The following ANKRD26 variants were observed in gnomAD, a reference collection of about 807,000 sequenced individuals.
ANKRD26 encodes the protein ankyrin repeat domain 26.
A neutral mutation model predicts 208.7 loss-of-function variants in ANKRD26; 141 were observed. That is an observed-to-expected ratio of 0.68 (90% CI 0.59 to 0.78). The LOEUF (loss-of-function observed/expected upper bound fraction) is 0.78. ANKRD26 is among the 30% of genes least tolerant of loss of function. ANKRD26 has a pLI of 0.00. For synonymous variants in ANKRD26, 636 were observed against 660.4 expected (o/e 0.96, Z 0.57); for missense variants, 1,889 against 1,938.7 (o/e 0.97, Z 0.48).
rs779237699 is a variant in ANKRD26, at chr10:27,014,467, T to G, written c.4724+27A>C. 3 of 1,476,422 alleles carry G rather than the reference T, an allele frequency of 2.0e-6. No homozygotes were observed. In the South Asian group the frequency reaches 3.6e-5, roughly 18 times the overall value. The allele number at this position is 1,476,422 out of a possible 1,614,324, so 91.5% of individuals were successfully genotyped here. ...AGGCAAATTAATGAGCTTAATTTAT[T>G]TCCTATGATTCTATATTTTGACTTA... On this transcript the variant is annotated intron_variant, in intron 31 of 33. Coordinates refer to ENST00000376087, the MANE Select transcript of ANKRD26 (RefSeq NM_014915.3).
chr10:26,965,697 C>A, the ANKRD26 span, among the ~76,000 whole-genome samples: 2 of 152,134 alleles, frequency 1.3e-5, no homozygotes, highest in Non-Finnish European at 2.9e-5. Flanking sequence ...AACAGGCAAC[C>A]TACAGAATGG....
At chr10:27,031,171 G>A (rs1173826917) in intron 25 of ANKRD26, among the ~76,000 whole-genome samples, 1 of 152,196 alleles carries the variant, frequency 6.6e-6, no homozygotes, top group Non-Finnish European at 1.5e-5. Flanking sequence ...CAGAGAGATG[G>A]TGAAAGCAGC....
chr10:27,036,738 C>T (rs1390987679), intron 23 of ANKRD26, among the ~76,000 whole-genome samples: 1 of 152,112 alleles, frequency 6.6e-6, no homozygotes, highest in Non-Finnish European at 1.5e-5. Flanking sequence ...CTCTTCTCAA[C>T]AGTGAGAAGA....
intron 5 of ANKRD26, among the ~76,000 whole-genome samples, chr10:26,976,058 A>T (rs1470546122): frequency 6.6e-6 from 1 of 152,018 alleles, no homozygotes; most frequent in Non-Finnish European, 1.5e-5. Flanking sequence ...AAAAATAAAT[A>T]AAAGAACAAA....
chr10:27,098,611 T>G (rs2056543954), intron 1 of ANKRD26, among the ~76,000 whole-genome samples: 1 of 150,668 alleles, frequency 6.6e-6, no homozygotes, highest in Admixed American at 6.6e-5. Context: ...TGCAGTGGCG[T>G]GATCTCCGCT....
In ANKRD26 at chr10:27,004,722, A is replaced by G. The variant is rs1452888832; in HGVS notation, c.*868T>C. The G allele has an allele frequency of 1.3e-5, 2 of 152,198 alleles. No homozygotes were observed. The highest frequency in any genetic ancestry group is 4.8e-5 in the African/African-American group (2 of 41,442). The allele number at this position is 152,198 out of a possible 1,614,324, so 9.4% of individuals were successfully genotyped here. ...ATTACCAGACTTTACTCTTCAAAAT[A>G]TTCAAGGTCATGAAGGTCAAGGAAA... On this transcript the variant is annotated 3_prime_UTR_variant, in exon 34 of 34. Coordinates refer to ENST00000376087, the MANE Select transcript of ANKRD26 (RefSeq NM_014915.3).
At chr10:27,006,793 G>A in intron 33 of ANKRD26, 124 bp downstream of exon 33, 1 of 760,508 alleles carries the variant, frequency 1.3e-6, no homozygotes, top group African/African-American at 1.7e-5. Context: ...ATGTGTGTAA[G>A]AAAGAACATT....
At chr10:26,983,707 C>T (rs575529476) in intron 3 of ANKRD26, among the ~76,000 whole-genome samples, 1 of 152,188 alleles carries the variant, frequency 6.6e-6, no homozygotes, top group Non-Finnish European at 1.5e-5. Context: ...ATCACCCACT[C>T]TTTTCACTGG....
chr10:26,973,436 A>C (rs1589157316), downstream of ANKRD26, among the ~76,000 whole-genome samples: 1 of 147,434 alleles, frequency 6.8e-6, no homozygotes, highest in Admixed American at 6.7e-5. Context: ...AATATTTGCT[A>C]TTTGCCATAT....
Position 27,066,521 on chromosome 10 carries a change from T to C in ANKRD26, c.1235A>G (p.Gln412Arg). Residue 412 changes from glutamine (Q) to arginine (R), a missense_variant, in exon 11 of 34, where the codon CAA (glutamine) becomes CGA (arginine). Coordinates refer to ENST00000376087, the MANE Select transcript of ANKRD26 (RefSeq NM_014915.3). The part of the protein sequence containing the change: ...SDMMSALGLG[Q>R]EEDIESPWDS... ...CCAAGGTGATTCTATATCTTCCTCT[T>C]GTCCTAATCCTAATGCGGACATCAT... The C allele has an allele frequency of 6.2e-7, 1 of 1,601,290 alleles. No individual in the cohort carries two copies. The highest frequency in any genetic ancestry group is 2.2e-5 in the East Asian group (1 of 44,674).
At chr10:27,021,296 T>C (rs6482590) in intron 29 of ANKRD26, among the ~76,000 whole-genome samples, 13,326 of 152,282 alleles carry the variant, frequency 0.088, 718 homozygotes, top group African/African-American at 0.16. Flanking sequence ...TTCTCCTGGA[T>C]AAATACCTGG....
chr10:27,100,301 C>A lies in ANKRD26; in HGVS notation c.26G>T (p.Gly9Val), dbSNP rs751028014. The A allele has an allele frequency of 6.2e-6, 10 of 1,609,364 alleles. No individual in the cohort carries two copies. The African/African-American group carries it at 9.3e-5, about 15-fold the overall frequency. Residue 9 changes from glycine (G) to valine (V), a missense_variant, in exon 1 of 34, where the codon GGC becomes GTC. Gly to Val is a moderately radical substitution (Grantham distance 109). Around this residue, in one of 3 missense-constraint regions of ANKRD26, gnomAD observed 1,272 missense variants for 1,273.8 expected, o/e 1.00. Transcript: ENST00000376087. The stretch of plus-strand genomic sequence containing the variant: ...CGCGAAGGAGCCCAAGGGCGACTCG[C>A]CCTTCTTACTAAAAATCTTCTTCAT... Reference protein sequence around the residue: MKKIFSKKGESPLGSFARR... With the variant: MKKIFSKKVESPLGSFARR...
the ANKRD26 span, among the ~76,000 whole-genome samples, chr10:26,951,621 A>C: frequency 1.5e-4 from 23 of 152,296 alleles, no homozygotes; most frequent in African/African-American, 4.8e-4. Context: ...CTTTGTTTTA[A>C]AATTTTAAGT....
At position 27,036,578 on chromosome 10, in the gene ANKRD26, T is replaced by C. The variant is rs570272935; in HGVS notation, c.2697+608A>G. Among the ~76,000 whole-genome samples the C allele has an allele frequency of 2.0e-5, 3 of 152,230 alleles. No individual in the cohort carries two copies. In the South Asian group the frequency reaches 6.2e-4, roughly 32 times the overall value. ...TTCCTCTTCATAATGTTTGAAAATGTAATAATGTGAAACAGGGAGAAATAT... is the reference window on the plus strand; with the variant it reads ...TTCCTCTTCATAATGTTTGAAAATGCAATAATGTGAAACAGGGAGAAATAT... On this transcript the variant is annotated intron_variant, in intron 23 of 33. Coordinates refer to ENST00000376087, the MANE Select transcript of ANKRD26 (RefSeq NM_014915.3).
Position 27,014,515 on chromosome 10 carries a change from G to A in ANKRD26, c.4703C>T (p.Ser1568Phe), listed in dbSNP as rs1354437419. ...LYLEELKVRKSLSSKLTKTNE... is the reference protein window; with the variant it reads ...LYLEELKVRKFLSSKLTKTNE... ...TTACTTGGTTAGTTTACTTGACAAA[G>A]ATTTTCTAACTTTTAATTCTTCTAG... The change falls in exon 31 of 34, where the codon TCT (serine) becomes TTT (phenylalanine). Residue 1568 changes from serine to phenylalanine, a missense_variant. Physicochemically the swap from Ser to Phe is radical, Grantham distance 155 (BLOSUM62 -2). This residue lies in a region of ANKRD26 where 613 missense variants were observed against 648.2 expected (regional missense o/e 0.95). Coordinates refer to ENST00000376087, the MANE Select transcript of ANKRD26 (RefSeq NM_014915.3). The A allele has an allele frequency of 6.3e-7, 1 of 1,583,002 alleles. No individual in the cohort carries two copies. The highest frequency in any genetic ancestry group is 8.6e-7 in the Non-Finnish European group (1 of 1,157,400).
chr10:27,022,858 G>C (rs1009727777), intron 28 of ANKRD26, among the ~76,000 whole-genome samples, 171 bp from the exon 29 acceptor site: 3 of 151,940 alleles, frequency 2.0e-5, no homozygotes, highest in Admixed American at 1.3e-4. Context: ...ATAATCTTAG[G>C]TAAATAATGT....
chr10:27,047,456 T>C (rs569472312), intron 17 of ANKRD26, among the ~76,000 whole-genome samples: 1 of 151,798 alleles, frequency 6.6e-6, no homozygotes, highest in South Asian at 2.1e-4. Context: ...CCATCTCTAC[T>C]AGAAATACAA....
intron 9 of ANKRD26, among the ~76,000 whole-genome samples, chr10:27,067,689 A>G (rs2055314101): frequency 6.6e-6 from 1 of 152,284 alleles, no homozygotes; most frequent in South Asian, 2.1e-4. Context: ...GACAGGACCA[A>G]TGGGGATGGT....
At chr10:27,038,318 A>C (rs2054110886) in intron 21 of ANKRD26, among the ~76,000 whole-genome samples, 1 of 152,208 alleles carries the variant, frequency 6.6e-6, no homozygotes, top group Admixed American at 6.5e-5. Flanking sequence ...TTATGGAAAA[A>C]GATATTGGAA....
Sources: gnomAD v4.1 joint callset for allele counts (sites outside exome capture counted in the v4.1 genomes callset) on GRCh38, gnomAD v4.1.1 for gene constraint, gnomAD v4.1.1 regional missense constraint, MANE v1.5 for transcripts, NCBI Gene and HGNC (gene_info 2026-07-23, HGNC 2026-07-21) for gene names.